The following NHS variants were observed in gnomAD, a reference collection of about 807,000 sequenced individuals.
The protein encoded by NHS is actin remodeling regulator NHS.
Under a neutral mutation model 72.5 loss-of-function variants are expected in NHS, and 5 were observed. The observed-to-expected ratio is 0.07, with a 90% CI of 0.04 to 0.14. The LOEUF (loss-of-function observed/expected upper bound fraction) is 0.14. NHS is among the 10% of genes least tolerant of loss of function. NHS has a pLI of 1.00. For missense variants in NHS, 1,072 were observed against 1,355.7 expected, an observed-to-expected ratio of 0.79 and a Z score of 3.29; for synonymous variants, 464 against 547.7, an observed-to-expected ratio of 0.85 and a Z score of 2.13.
At chrX:17,397,009 G>T (rs1287314255) in intron 1 of NHS, among the ~76,000 whole-genome samples, 1 of 112,130 alleles carries the variant, frequency 8.9e-6, no homozygotes, top group East Asian at 2.8e-4. Flanking sequence ...GATTATCTTG[G>T]CTTACAGTAC....
At chrX:17,523,485 A>G (rs1477559052) in intron 1 of NHS, among the ~76,000 whole-genome samples, 1 of 111,593 alleles carries the variant, frequency 9.0e-6, no homozygotes, top group Non-Finnish European at 1.9e-5. Context: ...GCTTATCTCT[A>G]CTGAGCAGAG....
chrX:17,509,659 AT>A (rs745602657), intron 1 of NHS, among the ~76,000 whole-genome samples: 2 of 112,462 alleles, frequency 1.8e-5, no homozygotes, highest in African/African-American at 3.2e-5. Context: ...CATTTTACAA[AT>A]GAAGAAACTG....
chrX:17,502,354 T>A, intron 1 of NHS, among the ~76,000 whole-genome samples: 1 of 111,314 alleles, frequency 9.0e-6, no homozygotes, highest in Non-Finnish European at 1.9e-5. Flanking sequence ...CTCCATTTAT[T>A]CTCCTCCTTC....
At position 17,687,900 on chromosome X, in the gene NHS, A is replaced by G. The variant is rs779172578; in HGVS notation, c.718+6A>G. On this transcript the variant is annotated splice_donor_region_variant and intron_variant, in intron 2 of 8. Transcript: ENST00000676302. ...CCTGCAAGCCCTGCGCAGAGGTGAC[A>G]GATCCTGGGCTTGGGGGCTTTTGCG... 5.0e-6 allele frequency: 6 copies of G among 1,209,347 alleles called. No homozygotes were observed. The highest frequency in any genetic ancestry group is 3.0e-5 in the East Asian group (1 of 33,776).
In NHS at chrX:17,727,104, C is replaced by T; in HGVS notation, c.2998C>T (p.Leu1000Phe). ...AGAATCAAGAGCCACCACCCCATCT[C>T]TTCCTTCTGTTGACAATGAGTTTAA... is the stretch of plus-strand genomic sequence containing the variant. ...QSESRATTPSLPSVDNEFKLA... is the reference protein window; with the variant it reads ...QSESRATTPSFPSVDNEFKLA... The change falls in exon 7 of 9, where the codon CTT becomes TTT. Residue 1000 changes from leucine (L) to phenylalanine (F), a missense_variant. By Grantham distance (22) the Leu-to-Phe change is conservative (BLOSUM62 0). Transcript: ENST00000676302. The T allele has an allele frequency of 4.9e-6, 6 of 1,212,129 alleles. No homozygotes were observed. The highest frequency in any genetic ancestry group is 5.6e-6 in the Non-Finnish European group (5 of 895,630).
intron 1 of NHS, among the ~76,000 whole-genome samples, chrX:17,425,568 A>AAAAAAAAAAAAAAAAAAAAAAAG (rs2064651928): frequency 3.9e-5 from 3 of 77,072 alleles, no homozygotes; most frequent in African/African-American, 1.9e-4. Context: ...AAAAAAAAAA[A>AAAAAAAAAAAAAAAAAAAAAAAG]AAAGAAAGAA....
At chrX:17,545,675 C>T (rs2065289509) in intron 1 of NHS, among the ~76,000 whole-genome samples, 1 of 111,740 alleles carries the variant, frequency 8.9e-6, no homozygotes, top group Non-Finnish European at 1.9e-5. Context: ...GTGTCCAGGC[C>T]CATGGACATT....
intron 1 of NHS, among the ~76,000 whole-genome samples, chrX:17,441,521 C>A (rs2064753896): frequency 8.9e-6 from 1 of 111,738 alleles, no homozygotes; most frequent in Admixed American, 9.5e-5. Context: ...GAGTAGTCAT[C>A]TAATATTTTG....
chrX:17,530,709 T>C (rs113584349), intron 1 of NHS, among the ~76,000 whole-genome samples: 1,561 of 112,249 alleles, frequency 0.014, 34 homozygotes, highest in African/African-American at 0.048. Context: ...AAAACACAGA[T>C]TGCTCAGCCT....
chrX:17,437,474 C>T (rs749732145), intron 1 of NHS, among the ~76,000 whole-genome samples: 1 of 111,740 alleles, frequency 8.9e-6, no homozygotes, highest in Non-Finnish European at 1.9e-5. Context: ...TAGGCAGGCT[C>T]TTCAGGCAAG....
intron 1 of NHS, among the ~76,000 whole-genome samples, chrX:17,489,196 G>A (rs1161133639): frequency 1.8e-5 from 2 of 112,127 alleles, no homozygotes; most frequent in Admixed American, 1.9e-4. Context: ...TATCACTGAT[G>A]GGCATTTGGG....
chrX:17,408,926 CAG>C (rs1313924249), intron 1 of NHS, among the ~76,000 whole-genome samples: 1 of 107,197 alleles, frequency 9.3e-6, no homozygotes, highest in East Asian at 2.9e-4. Flanking sequence ...ACATGTTAGA[CAG>C]AGAGAGGGAG....
chrX:17,614,928 C>T (rs1443327026), intron 1 of NHS, among the ~76,000 whole-genome samples: 2 of 107,577 alleles, frequency 1.9e-5, no homozygotes, highest in Non-Finnish European at 1.9e-5. Flanking sequence ...GTTCCCTAAT[C>T]TCACTTAATG....
chrX:17,437,786 C>T (rs928357207), intron 1 of NHS, among the ~76,000 whole-genome samples: 7 of 111,668 alleles, frequency 6.3e-5, no homozygotes, highest in Non-Finnish European at 1.3e-4. Flanking sequence ...GATTCAATAA[C>T]ACATATAAAG....
At chrX:17,629,596 CTG>C (rs2147067200) in intron 1 of NHS, among the ~76,000 whole-genome samples, 1 of 111,840 alleles carries the variant, frequency 8.9e-6, no homozygotes, top group African/African-American at 3.2e-5. Flanking sequence ...TCAATGGACA[CTG>C]GCATCAGGCC....
intron 1 of NHS, among the ~76,000 whole-genome samples, chrX:17,598,074 A>G (rs1173877682): frequency 9.0e-6 from 1 of 111,640 alleles, no homozygotes; most frequent in African/African-American, 3.3e-5. Context: ...AGCTAGAGGA[A>G]AGGCCAGGGT....
At chrX:17,659,214 T>A (rs761855670) in intron 1 of NHS, among the ~76,000 whole-genome samples, 1 of 111,957 alleles carries the variant, frequency 8.9e-6, no homozygotes, top group Non-Finnish European at 1.9e-5. Flanking sequence ...GACTGGGAAA[T>A]CTAGTCTGTG....
chrX:17,542,405 C>T (rs2065268935), intron 1 of NHS, among the ~76,000 whole-genome samples: 1 of 113,470 alleles, frequency 8.8e-6, no homozygotes, highest in South Asian at 3.5e-4. Context: ...TTGGCCCATG[C>T]CAGCAGGAAC....
intron 1 of NHS, among the ~76,000 whole-genome samples, chrX:17,636,428 A>C (rs748881067): frequency 2.7e-4 from 30 of 112,736 alleles, no homozygotes; most frequent in Non-Finnish European, 4.9e-4. Flanking sequence ...TTAGTCCTTC[A>C]GTTGTAACTC....
Sources: allele counts gnomAD v4.1 joint callset (sites outside exome capture counted in the v4.1 genomes callset), GRCh38; gene constraint gnomAD v4.1.1; transcripts MANE v1.5; gene names NCBI Gene and HGNC (gene_info 2026-07-23, HGNC 2026-07-21).